ZFPM2: variants seen among roughly 807,000 people sequenced by gnomAD.
ZFPM2 encodes zinc finger protein ZFPM2.
Under a neutral mutation model 98.6 loss-of-function variants are expected in ZFPM2, and 20 were observed. The ratio of observed to expected loss-of-function variants is 0.20; its 90% CI spans 0.14 to 0.29. The LOEUF (loss-of-function observed/expected upper bound fraction) is 0.29, where lower values mean the gene tolerates loss of function less well. Ranked by LOEUF, ZFPM2 falls within the 10% of genes least tolerant of loss-of-function variation. The pLI, the probability that ZFPM2 is intolerant of heterozygous loss-of-function variation, is 1.00. For missense variants in ZFPM2, 1,310 were observed against 1,388.6 expected (o/e 0.94, Z 0.90); for synonymous variants, 518 against 502.7 (o/e 1.03, Z -0.41).
At position 105,527,619 on chromosome 8, in the gene ZFPM2, A is replaced by C. The variant is rs559272255; in HGVS notation, c.302-33744A>C. Among the ~76,000 whole-genome samples, 11 of 152,278 alleles carry C rather than the reference A, an allele frequency of 7.2e-5. No individual in the cohort carries two copies. In the South Asian group the frequency reaches 2.3e-3, roughly 32 times the overall value. ...CTTTTTGTAGGCTTTACTACACTTA[A>C]GGTGTTACAGGCTTGTAAAACTGGG... On this transcript the variant is annotated intron_variant, in intron 3 of 7. Transcript: ENST00000407775.
intron 3 of ZFPM2, among the ~76,000 whole-genome samples, chr8:105,554,595 T>C (rs995426077): frequency 2.6e-5 from 4 of 152,198 alleles, no homozygotes; most frequent in African/African-American, 7.2e-5. Flanking sequence ...TATTGTGAGC[T>C]AATTCATGTG....
At chr8:105,358,401 G>A (rs1586314605) in intron 1 of ZFPM2, 2 of 152,120 alleles carry the variant, frequency 1.3e-5, no homozygotes, top group Non-Finnish European at 2.9e-5. Context: ...ATGTGACTTA[G>A]TTGTCACTAG....
chr8:105,611,027 G>A (rs1333129076), intron 4 of ZFPM2, among the ~76,000 whole-genome samples: 1 of 152,172 alleles, frequency 6.6e-6, no homozygotes, highest in African/African-American at 2.4e-5. Context: ...GTAGTAACTT[G>A]GTAACCAGTG....
intron 5 of ZFPM2, 120 bp from the exon 6 acceptor site, chr8:105,788,598 C>G (rs1813492424): frequency 7.2e-6 from 7 of 969,976 alleles, no homozygotes. Flanking sequence ...TGATCAAACA[C>G]TCCACTCCAG....
chr8:105,412,848 A>C (rs1811604143), intron 1 of ZFPM2, among the ~76,000 whole-genome samples: 1 of 151,812 alleles, frequency 6.6e-6, no homozygotes, highest in Admixed American at 6.6e-5. Context: ...AGTGAGAAGC[A>C]TTTTGAGGTG....
chr8:105,517,707 C>CCACACACACACA (rs1554613621), intron 3 of ZFPM2, among the ~76,000 whole-genome samples: 1,728 of 124,946 alleles, frequency 0.014, 19 homozygotes, highest in South Asian at 0.022. Flanking sequence ...CACACACACA[C>CCACACACACACA]CACACACACA....
intron 3 of ZFPM2, among the ~76,000 whole-genome samples, chr8:105,522,076 A>C (rs1192508982): frequency 6.6e-6 from 1 of 152,226 alleles, no homozygotes; most frequent in Non-Finnish European, 1.5e-5. Context: ...AATGCATATG[A>C]AAGTCATAAA....
chr8:105,730,618 A>G (rs1167190954), intron 5 of ZFPM2, among the ~76,000 whole-genome samples: 2 of 151,630 alleles, frequency 1.3e-5, no homozygotes, highest in African/African-American at 4.8e-5. Context: ...CTGATGGCTT[A>G]ACTCTCTTAA....
intron 1 of ZFPM2, among the ~76,000 whole-genome samples, chr8:105,392,280 G>A (rs574843693): frequency 1.3e-5 from 2 of 152,140 alleles, no homozygotes; most frequent in South Asian, 4.2e-4. Flanking sequence ...CACATAGAAA[G>A]GTTAACAAAA....
intron 3 of ZFPM2, among the ~76,000 whole-genome samples, chr8:105,477,443 C>T (rs2044298011): frequency 1.3e-5 from 2 of 151,722 alleles, no homozygotes; most frequent in Admixed American, 1.3e-4. Flanking sequence ...CAGGGTTTCA[C>T]CATGTTGGTC....
chr8:105,489,004 T>C (rs1486116293), intron 3 of ZFPM2, among the ~76,000 whole-genome samples: 1 of 152,230 alleles, frequency 6.6e-6, no homozygotes, highest in Non-Finnish European at 1.5e-5. Flanking sequence ...ATAATGATAC[T>C]AACACCTTAA....
intron 3 of ZFPM2, among the ~76,000 whole-genome samples, chr8:105,481,500 C>T (rs1813116907): frequency 6.6e-6 from 1 of 152,068 alleles, no homozygotes; most frequent in East Asian, 1.9e-4. Flanking sequence ...TATAAGGACT[C>T]TAATCCTATT....
rs146451338 is a variant in ZFPM2 at position 105,357,244 on chromosome 8, G to A, written c.40+38263G>A. Among the ~76,000 whole-genome samples, 4 of 152,176 alleles carry A rather than the reference G, an allele frequency of 2.6e-5. No homozygotes were observed. In the South Asian group the frequency reaches 8.3e-4, roughly 32 times the overall value. On this transcript the variant is annotated intron_variant, in intron 1 of 7. Transcript: ENST00000407775. ...GTGGAAGTTCCACATCCTTCAAGAGGCTTTTCAGTATTCTCCTAATCCACA... is the reference window on the plus strand; with the variant it reads ...GTGGAAGTTCCACATCCTTCAAGAGACTTTTCAGTATTCTCCTAATCCACA...
At chr8:105,626,353 A>G (rs1816654505) in intron 4 of ZFPM2, among the ~76,000 whole-genome samples, 1 of 152,196 alleles carries the variant, frequency 6.6e-6, no homozygotes, top group Non-Finnish European at 1.5e-5. Flanking sequence ...CACTGTCCCT[A>G]GAGATTTCAC....
At chr8:105,692,812 G>C (rs2130941024) in intron 5 of ZFPM2, among the ~76,000 whole-genome samples, 1 of 152,338 alleles carries the variant, frequency 6.6e-6, no homozygotes, top group Non-Finnish European at 1.5e-5. Flanking sequence ...GAGTAAAGAA[G>C]AGCACTAGGA....
intron 5 of ZFPM2, among the ~76,000 whole-genome samples, chr8:105,681,760 T>C (rs978507512): frequency 6.6e-6 from 1 of 152,186 alleles, no homozygotes; most frequent in African/African-American, 2.4e-5. Flanking sequence ...TAAATTACTA[T>C]GGTCCAAAGG....
intron 3 of ZFPM2, among the ~76,000 whole-genome samples, chr8:105,453,048 T>C (rs940600403): frequency 1.3e-5 from 2 of 152,252 alleles, no homozygotes; most frequent in East Asian, 1.9e-4. Context: ...AAAAATAAAA[T>C]AGATGCATAG....
intron 3 of ZFPM2, among the ~76,000 whole-genome samples, chr8:105,478,988 C>T (rs182636042): frequency 1.1e-4 from 16 of 152,288 alleles, no homozygotes; most frequent in Admixed American, 7.2e-4. Flanking sequence ...TTTCTGGTTG[C>T]TCTTCATAAT....
chr8:105,448,968 A>G (rs1812434336), intron 3 of ZFPM2, among the ~76,000 whole-genome samples: 1 of 152,052 alleles, frequency 6.6e-6, no homozygotes, highest in South Asian at 2.1e-4. Context: ...ACCACATTCC[A>G]TGACCGAAGT....
Sources: gnomAD v4.1 joint callset for allele counts (sites outside exome capture counted in the v4.1 genomes callset) on GRCh38, gnomAD v4.1.1 for gene constraint, MANE v1.5 for transcripts, NCBI Gene and HGNC (gene_info 2026-07-23, HGNC 2026-07-21) for gene names.